The following ZNF317 variants were observed in gnomAD, a reference collection of about 807,000 sequenced individuals.
The protein encoded by ZNF317 is zinc finger protein 317.
A neutral mutation model predicts 23.4 loss-of-function variants in ZNF317; 17 were observed. The ratio of observed to expected loss-of-function variants is 0.73; its 90% CI spans 0.50 to 1.09. The LOEUF is 1.09. Ranked by LOEUF, ZNF317 falls within the 50% of genes least tolerant of loss-of-function variation. The pLI is 0.00. For synonymous variants in ZNF317, 317 were observed against 314.9 expected (o/e 1.01, Z -0.07); for missense variants, 679 against 796.7 (o/e 0.85, Z 1.78).
chr19:9,151,254 C>T (rs889463716), intron 1 of ZNF317, among the ~76,000 whole-genome samples: 29 of 152,266 alleles, frequency 1.9e-4, no homozygotes, highest in Non-Finnish European at 3.5e-4. Context: ...AGAATGAAAG[C>T]GTCATGCATC....
intron 1 of ZNF317, among the ~76,000 whole-genome samples, chr19:9,143,133 T>G (rs921956573): frequency 6.6e-6 from 1 of 152,330 alleles, no homozygotes; most frequent in East Asian, 1.9e-4. Context: ...CTTTAGGAAT[T>G]TATTTATTCC....
chr19:9,152,380 T>C (rs1382508517), intron 1 of ZNF317, among the ~76,000 whole-genome samples: 1 of 152,202 alleles, frequency 6.6e-6, no homozygotes, highest in Non-Finnish European at 1.5e-5. Flanking sequence ...CCTGGCCTTT[T>C]AGGAACAAGG....
rs78167200 is a variant in ZNF317 at position 9,142,777 on chromosome 19, G to T, written c.-93+2185G>T. Among the ~76,000 whole-genome samples the T allele has an allele frequency of 9.6e-3, 1,451 of 151,710 alleles. 19 individuals are homozygous for T. Among genetic ancestry groups the T allele is most frequent in the African/African-American group, 0.03 (1,240 of 41,260 alleles). Reference sequence around the variant, plus strand: ...GATTTTCTCTTGTTACATTGAATTTGTATTGGTAAATAATTTGGAAAGGAC... The same window carrying T: ...GATTTTCTCTTGTTACATTGAATTTTTATTGGTAAATAATTTGGAAAGGAC... On this transcript the variant is annotated intron_variant, in intron 1 of 6. Coordinates refer to ENST00000247956, the MANE Select transcript of ZNF317 (RefSeq NM_020933.5).
intron 1 of ZNF317, among the ~76,000 whole-genome samples, chr19:9,147,330 GTTTTTTTTTTTTTT>G (rs35259257): frequency 9.1e-6 from 1 of 110,172 alleles, no homozygotes; most frequent in Non-Finnish European, 1.7e-5. Context: ...AATGACACTG[GTTTTTTTTTTTTTT>G]TTTTTTTTTT....
At position 9,156,633 on chromosome 19, in the gene ZNF317, C is replaced by G. The variant is rs750371961; in HGVS notation, c.47C>G (p.Thr16Ser). ...CCAGCCACGTCCACCCAGGATTCCA[C>G]CTGTCTCCAGGACTCAGAATTTCCT... The part of the protein sequence containing the change: ...PTFATSTQDS[T>S]CLQDSEFPVS... Residue 16 changes from threonine to serine, a missense_variant, in exon 3 of 7, where the codon ACC becomes AGC. Transcript: ENST00000247956. 5 of 1,613,976 alleles carry G rather than the reference C, an allele frequency of 3.1e-6. No homozygotes were observed. Among genetic ancestry groups the G allele is most frequent in the Admixed American group, 3.3e-5 (2 of 59,994 alleles).
intron 4 of ZNF317, 115 bp downstream of exon 4, chr19:9,157,509 GC>G: frequency 1.5e-6 from 2 of 1,377,736 alleles, no homozygotes. Flanking sequence ...TGAACAAGCA[GC>G]CCCAGCACCC....
At position 9,158,834 on chromosome 19, in the gene ZNF317, A is replaced by T. The variant is rs1261896857; in HGVS notation, c.394A>T (p.Thr132Ser). Residue 132 changes from threonine (T) to serine (S), a missense_variant, in exon 6 of 7, where the codon ACT becomes TCT. Transcript: ENST00000247956. ...TTTCCAATTTGTTTCAGATTGGGAG[A>T]CTCCATCTAAAACCAAGTGGTCACT... ...AHQGACADWE[T>S]PSKTKWSLLM... 1 of 1,605,276 alleles carries T rather than the reference A, an allele frequency of 6.2e-7. No homozygotes were observed. The highest frequency in any genetic ancestry group is 1.7e-5 in the Admixed American group (1 of 59,994).
chr19:9,140,537 T>A lies in ZNF317; in HGVS notation c.-148T>A, dbSNP rs1363700271. 4.4e-6 allele frequency: 2 copies of A among 456,468 alleles called. No individual in the cohort carries two copies. Among genetic ancestry groups the A allele is most frequent in the Admixed American group, 2.4e-5 (1 of 42,538 alleles). The allele number at this position is 456,468 out of a possible 1,614,324, so 28.3% of individuals were successfully genotyped here. A position where few individuals can be genotyped will look rare whatever the true frequency, so the allele number is the denominator to read the frequency against. ...ACTGGACCTCCCGTATGAACTTCTC[T>A]TCGCATCGGCGGCGGCTTCCGTCAC... is the stretch of plus-strand genomic sequence containing the variant. On this transcript the variant is annotated 5_prime_UTR_variant, in exon 1 of 7. Coordinates refer to ENST00000247956, the MANE Select transcript of ZNF317 (RefSeq NM_020933.5).
At chr19:9,156,885 A>AT in intron 3 of ZNF317, 137 bp downstream of exon 3, 2 of 1,084,220 alleles carry the variant, frequency 1.8e-6, no homozygotes, top group Non-Finnish European at 2.6e-6. Flanking sequence ...GCCAAGGAAT[A>AT]TTGGGGCTGT....
intron 4 of ZNF317, 123 bp from the exon 5 acceptor site, chr19:9,157,857 T>G (rs2050802624): frequency 4.3e-6 from 6 of 1,410,382 alleles, no homozygotes; most frequent in Non-Finnish European, 5.6e-6. Flanking sequence ...ACCATTTTGC[T>G]GCTCCTAAGT....
Position 9,157,272 on chromosome 19 carries a change from C to T in ZNF317, c.167C>T (p.Ser56Leu), listed in dbSNP as rs571570008. ...CAAGTTTGTGTGGCGTTCCAGGAAT[C>T]GGTGACTTTCCAAGATGTCGCTGTG... ...PHTPSVGSQE[S>L]VTFQDVAVDF... The change falls in exon 4 of 7, where the codon TCG becomes TTG. Residue 56 changes from serine (S) to leucine (L), a missense_variant. Ser to Leu is a moderately radical substitution (Grantham distance 145). Transcript: ENST00000247956. The T allele has an allele frequency of 2.5e-6, 4 of 1,613,630 alleles. No individual in the cohort carries two copies. The highest frequency in any genetic ancestry group is 2.2e-5 in the South Asian group (2 of 91,048).
intron 1 of ZNF317, among the ~76,000 whole-genome samples, chr19:9,148,444 G>GTGTT (rs746785771): frequency 5.3e-5 from 8 of 152,144 alleles, no homozygotes; most frequent in Non-Finnish European, 8.8e-5. Flanking sequence ...TTGGCCCCAG[G>GTGTT]GTGTTGGGCT....
chr19:9,145,223 T>TTAG (rs1466147975), intron 1 of ZNF317, among the ~76,000 whole-genome samples: 1 of 152,242 alleles, frequency 6.6e-6, no homozygotes, highest in Non-Finnish European at 1.5e-5. Flanking sequence ...TTTTGTATTT[T>TTAG]TAGTAAAGAC....
chr19:9,155,887 G>A, intron 1 of ZNF317, 38 bp from the exon 2 acceptor site: 1 of 1,141,452 alleles, frequency 8.8e-7, no homozygotes, highest in East Asian at 2.4e-5. Flanking sequence ...GAGACAGATA[G>A]CCTTTCACTA....
At chr19:9,153,254 C>T (rs574816859) in intron 1 of ZNF317, among the ~76,000 whole-genome samples, 11 of 152,238 alleles carry the variant, frequency 7.2e-5, no homozygotes, top group East Asian at 3.9e-4. Flanking sequence ...CTCCGCCTCC[C>T]GGGTTCAAGC....
rs114050881 is a variant in ZNF317, at chr19:9,145,407, G to A, written c.-93+4815G>A. Reference sequence around the variant, plus strand: ...CAGCATGCTGGGATTACAGGTGTGGGCCACCATGCCCAGGCTTACTTTGTT... The same window carrying A: ...CAGCATGCTGGGATTACAGGTGTGGACCACCATGCCCAGGCTTACTTTGTT... On this transcript the variant is annotated intron_variant, in intron 1 of 6. Transcript: ENST00000247956. 8.3e-3 allele frequency among the ~76,000 whole-genome samples: 1,267 copies of A among 152,284 alleles called. 15 individuals carry two copies. Among genetic ancestry groups the A allele is most frequent in the African/African-American group, 0.029 (1,215 of 41,560 alleles).
In ZNF317 at chr19:9,147,330, G is replaced by GTTTTTTTT. The variant is rs35259257; in HGVS notation, c.-93+6758_-93+6765dup. Among the ~76,000 whole-genome samples the GTTTTTTTT allele has an allele frequency of 1.6e-3, 178 of 110,152 alleles. 9 individuals are homozygous for GTTTTTTTT. The highest frequency in any genetic ancestry group is 6.8e-3 in the African/African-American group (175 of 25,598). The allele number at this position is 110,152 out of a possible 152,430, so 72.3% of individuals were successfully genotyped here. A position where few individuals can be genotyped will look rare whatever the true frequency, so the allele number is the denominator to read the frequency against. The stretch of plus-strand genomic sequence containing the variant: ...TGGTGACAGCATTCCAATGACACTG[G>GTTTTTTTT]TTTTTTTTTTTTTTTTTTTTTTTTT... On this transcript the variant is annotated intron_variant, in intron 1 of 6. Coordinates refer to ENST00000247956, the MANE Select transcript of ZNF317 (RefSeq NM_020933.5).
chr19:9,159,769 ACTC>A (rs1248945928), intron 6 of ZNF317, among the ~76,000 whole-genome samples: 1 of 149,834 alleles, frequency 6.7e-6, no homozygotes, highest in Non-Finnish European at 1.5e-5. Flanking sequence ...CTGGTCTCGA[ACTC>A]CTGACCTCAG....
rs2050834550 is a variant in ZNF317 at position 9,160,299 on chromosome 19, G to C, written c.654G>C (p.Gly218=). 2 of 1,614,060 alleles carry C rather than the reference G, an allele frequency of 1.2e-6. No individual in the cohort carries two copies. The highest frequency in any genetic ancestry group is 1.7e-6 in the Non-Finnish European group (2 of 1,180,040). ...HLTQHMSMYD[G]RKMHECHQCQ... is the part of the protein sequence containing the mutation. ...CTCAGCACATGAGCATGTACGACGG[G>C]AGAAAAATGCATGAATGTCATCAGT... The change falls in exon 7 of 7, where the codon GGG becomes GGC. Residue 218 remains glycine, a synonymous_variant. Coordinates refer to ENST00000247956, the MANE Select transcript of ZNF317 (RefSeq NM_020933.5). The surrounding 1 kb of genome is among the most constrained non-coding windows in gnomAD (Gnocchi z 6.8).
Sources: gnomAD v4.1 joint callset for allele counts (sites outside exome capture counted in the v4.1 genomes callset) on GRCh38, gnomAD v4.1.1 for gene constraint, Gnocchi (gnomAD v3.1) non-coding constraint, MANE v1.5 for transcripts, NCBI Gene and HGNC (gene_info 2026-07-23, HGNC 2026-07-21) for gene names.